The following WDR4 variants were observed in gnomAD, a reference collection of about 807,000 sequenced individuals.
WDR4 encodes WDR4 tRNA N7-guanosine methyltransferase non-catalytic subunit.
Under a neutral mutation model 48.6 loss-of-function variants are expected in WDR4, and 47 were observed. The observed-to-expected ratio is 0.97, with a 90% CI of 0.77 to 1.23. The LOEUF is 1.23. Ranked by LOEUF, WDR4 falls within the 50% of genes most tolerant of loss-of-function variation. WDR4 has a pLI of 0.00. For synonymous variants in WDR4, 268 were observed against 230.0 expected (o/e 1.17, Z -1.49); for missense variants, 606 against 551.6 (o/e 1.10, Z -0.99).
chr21:42,873,779 G>T, intron 2 of WDR4, 88 bp from the exon 3 acceptor site: 1 of 1,498,534 alleles, frequency 6.7e-7, no homozygotes, highest in East Asian at 2.3e-5. Flanking sequence ...TTTCTAACAT[G>T]GGAGGAGGTA....
At chr21:42,877,231 C>T (rs185751421) in intron 1 of WDR4, among the ~76,000 whole-genome samples, 218 of 150,588 alleles carry the variant, frequency 1.4e-3, no homozygotes, top group Middle Eastern at 3.4e-3. Flanking sequence ...GCAACCTCCC[C>T]CTCCTGGATT....
At chr21:42,887,151 C>G in the WDR4 span, among the ~76,000 whole-genome samples, 4 of 152,052 alleles carry the variant, frequency 2.6e-5, no homozygotes, top group Non-Finnish European at 5.9e-5. Flanking sequence ...CACCACCATG[C>G]CCGGCTAATT....
chr21:42,891,930 C>A, the WDR4 span, among the ~76,000 whole-genome samples: 1 of 150,842 alleles, frequency 6.6e-6, no homozygotes, highest in Non-Finnish European at 1.5e-5. Flanking sequence ...GTACTCCAGC[C>A]TGGGCAACAG....
rs1036462419 is a variant in WDR4 at position 42,862,404 on chromosome 21, CA to C, written c.454-11del. ...CATCAGGACTCACAGCCTGCATCAC[CA>C]GGGGCCAGAAAAGAAAAAGCCGCTC... On this transcript the variant is annotated splice_polypyrimidine_tract_variant and intron_variant, in intron 4 of 10. Transcript: ENST00000398208. The surrounding 1 kb of genome is among the most constrained non-coding windows in gnomAD (Gnocchi z 4.3). 2.5e-6 allele frequency: 4 copies of C among 1,591,926 alleles called. No individual in the cohort carries two copies. The highest frequency in any genetic ancestry group is 2.6e-6 in the Non-Finnish European group (3 of 1,168,716).
intron 7 of WDR4, 50 bp from the exon 8 acceptor site, chr21:42,854,676 C>G (rs200123512): frequency 6.3e-7 from 1 of 1,579,338 alleles, no homozygotes; most frequent in South Asian, 1.1e-5. Flanking sequence ...AGGGGCCCGA[C>G]GCCGGGCGCT....
the WDR4 span, among the ~76,000 whole-genome samples, chr21:42,887,831 C>T: frequency 0.6 from 91,180 of 151,752 alleles, 28,144 homozygotes; most frequent in African/African-American, 0.71. Flanking sequence ...GGCAGGAGAA[C>T]TGCTTGAGCC....
intron 6 of WDR4, among the ~76,000 whole-genome samples, chr21:42,857,915 A>G (rs566823622): frequency 1.3e-5 from 2 of 152,030 alleles, no homozygotes; most frequent in Non-Finnish European, 2.9e-5. Context: ...AGCTGGCAAA[A>G]CCCCATCACT....
At chr21:42,867,457 C>T (rs1252895854) in intron 3 of WDR4, among the ~76,000 whole-genome samples, 2 of 151,810 alleles carry the variant, frequency 1.3e-5, no homozygotes, top group African/African-American at 4.8e-5. Context: ...CCAAACACTG[C>T]TCTTTGCTCA....
At chr21:42,891,750 A>G in the WDR4 span, among the ~76,000 whole-genome samples, 1 of 151,462 alleles carries the variant, frequency 6.6e-6, no homozygotes, top group Non-Finnish European at 1.5e-5. Context: ...TGAGGTCAGG[A>G]GTTCGAGACC....
intron 6 of WDR4, among the ~76,000 whole-genome samples, chr21:42,856,382 T>G (rs1206169312): frequency 6.6e-6 from 1 of 152,190 alleles, no homozygotes; most frequent in Non-Finnish European, 1.5e-5. Context: ...TTTCTTGGTT[T>G]TATCTGTTGT....
downstream of WDR4, among the ~76,000 whole-genome samples, chr21:42,845,711 G>A (rs1193150024): frequency 1.3e-5 from 2 of 152,220 alleles, no homozygotes; most frequent in African/African-American, 4.8e-5. Context: ...GATGCACTGC[G>A]TTTTCCACGC....
intron 3 of WDR4, among the ~76,000 whole-genome samples, chr21:42,864,390 C>G (rs569619726): frequency 1.3e-5 from 2 of 152,232 alleles, no homozygotes; most frequent in South Asian, 4.1e-4. Flanking sequence ...CTGACCCACA[C>G]TGACCCCTGC....
At chr21:42,877,300 C>G (rs913635421) in intron 1 of WDR4, among the ~76,000 whole-genome samples, 1 of 151,576 alleles carries the variant, frequency 6.6e-6, no homozygotes, top group South Asian at 2.1e-4. Flanking sequence ...TCTGCCACCA[C>G]GCCTGGCTAA....
the WDR4 span, among the ~76,000 whole-genome samples, chr21:42,889,477 G>A: frequency 2.0e-5 from 3 of 152,116 alleles, no homozygotes; most frequent in African/African-American, 7.2e-5. Context: ...CTGCAAGGGT[G>A]GCAACTTCCT....
At chr21:42,891,404 C>G in the WDR4 span, among the ~76,000 whole-genome samples, 3 of 151,982 alleles carry the variant, frequency 2.0e-5, no homozygotes, top group African/African-American at 7.2e-5. Context: ...TGGCCGGTGA[C>G]CACGCCAGAG....
At chr21:42,854,154 A>T (rs1051863927) in intron 8 of WDR4, among the ~76,000 whole-genome samples, 2 of 152,216 alleles carry the variant, frequency 1.3e-5, no homozygotes, top group African/African-American at 4.8e-5. Flanking sequence ...GACACACACA[A>T]GTCACTCGGG....
rs756898137 is a variant in WDR4, at chr21:42,879,413, G to C, written c.83C>G (p.Ala28Gly). 1.4e-5 allele frequency: 22 copies of C among 1,613,684 alleles called. No individual in the cohort carries two copies. The highest frequency in any genetic ancestry group is 9.3e-5 in the African/African-American group (7 of 75,046). The change falls in exon 1 of 11, where the codon GCA becomes GGA. Residue 28 changes from alanine (A) to glycine (G), a missense_variant. By Grantham distance (60) the Ala-to-Gly change is moderately conservative (BLOSUM62 0). Coordinates refer to ENST00000398208, the MANE Select transcript of WDR4 (RefSeq NM_018669.6). ...AAGACCAAGGCCCCCTCACCTGCTT[G>C]CTATGGAGGTGGCCAGGAATCGGCT... ...GGSRFLATSI[A>G]SSDDDSLFIY...
intron 2 of WDR4, among the ~76,000 whole-genome samples, chr21:42,875,012 G>A (rs1351108969): frequency 6.6e-6 from 1 of 152,060 alleles, no homozygotes; most frequent in Non-Finnish European, 1.5e-5. Flanking sequence ...GACATGTGAT[G>A]TCTCCCCCGG....
intron 3 of WDR4, among the ~76,000 whole-genome samples, chr21:42,869,118 T>C (rs1216214290): frequency 6.6e-6 from 1 of 152,182 alleles, no homozygotes; most frequent in Non-Finnish European, 1.5e-5. Context: ...CCAGTGCTCA[T>C]CCCATACTCT....
Sources: gnomAD v4.1 joint callset for allele counts (sites outside exome capture counted in the v4.1 genomes callset) on GRCh38, gnomAD v4.1.1 for gene constraint, Gnocchi (gnomAD v3.1) non-coding constraint, MANE v1.5 for transcripts, NCBI Gene and HGNC (gene_info 2026-07-23, HGNC 2026-07-21) for gene names.